The following KRTAP22-2 variants were observed in gnomAD, a reference collection of about 807,000 sequenced individuals.
The protein encoded by KRTAP22-2 is keratin associated protein 22-2, also known as keratin-associated protein 22-2.
For missense variants in KRTAP22-2, 52 were observed against 51.2 expected, an observed-to-expected ratio of 1.02 and a Z score of -0.05; for synonymous variants, 19 against 21.1, an observed-to-expected ratio of 0.90 and a Z score of 0.28.
Position 30,590,378 on chromosome 21 carries a change from G to A in KRTAP22-2, c.-4C>T, listed in dbSNP as rs1979998024. 1 of 1,550,448 alleles carries A rather than the reference G, an allele frequency of 6.4e-7. No homozygotes were observed. The highest frequency in any genetic ancestry group is 1.4e-5 in the African/African-American group (1 of 72,998). ...AATAGTTGTGGTAGTAGCACATGGT[G>A]TCAGAAGATGGAGTTCAATTGAGGC... On this transcript the variant is annotated 5_prime_UTR_variant, in exon 1 of 1. Coordinates refer to ENST00000382830, the MANE Select transcript of KRTAP22-2 (RefSeq NM_001164434.1).
At position 30,590,141 on chromosome 21, in the gene KRTAP22-2, G is replaced by C; in HGVS notation, c.*96C>G. 9.1e-7 allele frequency: 1 copy of C among 1,102,298 alleles called. No individual in the cohort carries two copies. The highest frequency in any genetic ancestry group is 2.3e-5 in the Admixed American group (1 of 43,402). The allele number at this position is 1,102,298 out of a possible 1,614,324, so 68.3% of individuals were successfully genotyped here. A position where few individuals can be genotyped will look rare whatever the true frequency, so the allele number is the denominator to read the frequency against. ...TATGACCTGTGGTAATCAATAATTA[G>C]AGTTAGTTAAAATTGGAGAGACAAT... On this transcript the variant is annotated 3_prime_UTR_variant, in exon 1 of 1. Transcript: ENST00000382830.
Position 30,590,295 on chromosome 21 carries a change from G to C in KRTAP22-2, c.80C>G (p.Ala27Gly). 6.4e-7 allele frequency: 1 copy of C among 1,551,088 alleles called. No homozygotes were observed. The highest frequency in any genetic ancestry group is 8.7e-7 in the Non-Finnish European group (1 of 1,146,500). The change falls in exon 1 of 1, where the codon GCC becomes GGC. Residue 27 changes from alanine to glycine, a missense_variant. Coordinates refer to ENST00000382830, the MANE Select transcript of KRTAP22-2 (RefSeq NM_001164434.1). The stretch of plus-strand genomic sequence containing the variant: ...TCCATAGGAGCACGGAAAGTTGCAG[G>C]CATATCCAGAGTTACCATATTCAGA... ...YGSEYGNSGY[A>G]CNFPCSYGRF...
In KRTAP22-2 at chr21:30,590,327, G is replaced by T; in HGVS notation, c.48C>A (p.Ser16Arg). ...CAGAGTTACCATATTCAGAGCCATA[G>T]CTGCAACCATAGTCCAGGCTACCAT... ...NYYGSLDYGC[S>R]YGSEYGNSGY... The change falls in exon 1 of 1, where the codon AGC becomes AGA. Residue 16 changes from serine (S) to arginine (R), a missense_variant. Physicochemically the swap from Ser to Arg is moderately radical, Grantham distance 110 (BLOSUM62 -1). Coordinates refer to ENST00000382830, the MANE Select transcript of KRTAP22-2 (RefSeq NM_001164434.1). The T allele has an allele frequency of 6.4e-7, 1 of 1,551,214 alleles. No individual in the cohort carries two copies. The highest frequency in any genetic ancestry group is 1.2e-5 in the South Asian group (1 of 84,056).
Position 30,590,331 on chromosome 21 carries a change from C to T in KRTAP22-2, c.44G>A (p.Cys15Tyr). 1 of 1,551,246 alleles carries T rather than the reference C, an allele frequency of 6.4e-7. No individual in the cohort carries two copies. The highest frequency in any genetic ancestry group is 8.7e-7 in the Non-Finnish European group (1 of 1,146,640). Residue 15 changes from cysteine (C) to tyrosine (Y), a missense_variant, in exon 1 of 1, where the codon TGC becomes TAC. Transcript: ENST00000382830. The part of the protein sequence containing the change: ...HNYYGSLDYG[C>Y]SYGSEYGNSG... The stretch of plus-strand genomic sequence containing the variant: ...GTTACCATATTCAGAGCCATAGCTG[C>T]AACCATAGTCCAGGCTACCATAATA...
chr21:30,590,167 A>G lies in KRTAP22-2; in HGVS notation c.*70T>C. 1 of 1,394,290 alleles carries G rather than the reference A, an allele frequency of 7.2e-7. No individual in the cohort carries two copies. The highest frequency in any genetic ancestry group is 9.9e-7 in the Non-Finnish European group (1 of 1,015,172). The allele number at this position is 1,394,290 out of a possible 1,614,324, so 86.4% of individuals were successfully genotyped here. On this transcript the variant is annotated 3_prime_UTR_variant, in exon 1 of 1. Transcript: ENST00000382830. ...AGTTAGTTAAAATTGGAGAGACAATAACGAATCCATAAATAACCCTGTTGA... is the reference window on the plus strand; with the variant it reads ...AGTTAGTTAAAATTGGAGAGACAATGACGAATCCATAAATAACCCTGTTGA...
rs758588351 is a variant in KRTAP22-2, at chr21:30,590,381, A to G, written c.-7T>C. On this transcript the variant is annotated 5_prime_UTR_variant, in exon 1 of 1. Transcript: ENST00000382830. ...AGTTGTGGTAGTAGCACATGGTGTC[A>G]GAAGATGGAGTTCAATTGAGGCAGA... is the stretch of plus-strand genomic sequence containing the variant. The G allele has an allele frequency of 6.4e-7, 1 of 1,550,558 alleles. No individual in the cohort carries two copies. Among genetic ancestry groups the G allele is most frequent in the South Asian group, 1.2e-5 (1 of 83,932 alleles).
Position 30,590,227 on chromosome 21 carries a change from T to C in KRTAP22-2, c.*10A>G. ...TGCATCACAAGAAAATGGCTCAAAG[T>C]GATCAGCAATCAGAATTTCTTTCTA... On this transcript the variant is annotated 3_prime_UTR_variant, in exon 1 of 1. Coordinates refer to ENST00000382830, the MANE Select transcript of KRTAP22-2 (RefSeq NM_001164434.1). The C allele has an allele frequency of 6.4e-7, 1 of 1,550,624 alleles. No individual in the cohort carries two copies.
At position 30,590,322 on chromosome 21, in the gene KRTAP22-2, C is replaced by A. The variant is rs1163729118; in HGVS notation, c.53G>T (p.Gly18Val). 2.6e-6 allele frequency: 4 copies of A among 1,551,132 alleles called. No individual in the cohort carries two copies. Among genetic ancestry groups the A allele is most frequent in the Admixed American group, 3.9e-5 (2 of 50,970 alleles). The stretch of plus-strand genomic sequence containing the variant: ...ATATCCAGAGTTACCATATTCAGAG[C>A]CATAGCTGCAACCATAGTCCAGGCT... ...YGSLDYGCSYGSEYGNSGYAC... is the reference protein window; with the variant it reads ...YGSLDYGCSYVSEYGNSGYAC... The change falls in exon 1 of 1, where the codon GGC becomes GTC. Residue 18 changes from glycine (G) to valine (V), a missense_variant. By Grantham distance (109) the Gly-to-Val change is moderately radical (BLOSUM62 -3). Coordinates refer to ENST00000382830, the MANE Select transcript of KRTAP22-2 (RefSeq NM_001164434.1).
In KRTAP22-2 at chr21:30,590,208, AC is replaced by A; in HGVS notation, c.*28del. 6.5e-7 allele frequency: 1 copy of A among 1,548,208 alleles called. No individual in the cohort carries two copies. The highest frequency in any genetic ancestry group is 8.7e-7 in the Non-Finnish European group (1 of 1,144,676). On this transcript the variant is annotated 3_prime_UTR_variant, in exon 1 of 1. Coordinates refer to ENST00000382830, the MANE Select transcript of KRTAP22-2 (RefSeq NM_001164434.1). ...ACCCTGTTGATGCAATTAGTGCATCACAAGAAAATGGCTCAAAGTGATCAGC... is the reference window on the plus strand; with the variant it reads ...ACCCTGTTGATGCAATTAGTGCATCAAAGAAAATGGCTCAAAGTGATCAGC...
In KRTAP22-2 at chr21:30,590,221, T is replaced by A. The variant is rs750629666; in HGVS notation, c.*16A>T. The stretch of plus-strand genomic sequence containing the variant: ...AATTAGTGCATCACAAGAAAATGGC[T>A]CAAAGTGATCAGCAATCAGAATTTC... On this transcript the variant is annotated 3_prime_UTR_variant, in exon 1 of 1. Transcript: ENST00000382830. 98 of 1,550,344 alleles carry A rather than the reference T, an allele frequency of 6.3e-5. No individual in the cohort carries two copies. In the South Asian group the frequency reaches 1.1e-3, roughly 17 times the overall value.
Position 30,590,279 on chromosome 21 carries a change from G to C in KRTAP22-2, c.96C>G (p.Cys32Trp), listed in dbSNP as rs1488831372. 1.6e-5 allele frequency: 25 copies of C among 1,551,130 alleles called. No homozygotes were observed. The highest frequency in any genetic ancestry group is 1.9e-5 in the Non-Finnish European group (22 of 1,146,636). ...GNSGYACNFPCSYGRFLLAPR... is the reference protein window; with the variant it reads ...GNSGYACNFPWSYGRFLLAPR... ...GAGCCAATAGGAATCTTCCATAGGA[G>C]CACGGAAAGTTGCAGGCATATCCAG... Residue 32 changes from cysteine to tryptophan, a missense_variant, in exon 1 of 1, where the codon TGC becomes TGG. By Grantham distance (215) the Cys-to-Trp change is radical. Coordinates refer to ENST00000382830, the MANE Select transcript of KRTAP22-2 (RefSeq NM_001164434.1).
In KRTAP22-2 at chr21:30,590,395, A is replaced by T. The variant is rs1474873304; in HGVS notation, c.-21T>A. 6.5e-7 allele frequency: 1 copy of T among 1,548,428 alleles called. No homozygotes were observed. Among genetic ancestry groups the T allele is most frequent in the African/African-American group, 1.4e-5 (1 of 72,970 alleles). On this transcript the variant is annotated 5_prime_UTR_variant, in exon 1 of 1. Transcript: ENST00000382830. ...CACATGGTGTCAGAAGATGGAGTTC[A>T]ATTGAGGCAGATAGTAGTTTCTGAA...
In KRTAP22-2 at chr21:30,590,160, A is replaced by G; in HGVS notation, c.*77T>C. On this transcript the variant is annotated 3_prime_UTR_variant, in exon 1 of 1. Transcript: ENST00000382830. ...TAATTAGAGTTAGTTAAAATTGGAG[A>G]GACAATAACGAATCCATAAATAACC... 1 of 1,305,242 alleles carries G rather than the reference A, an allele frequency of 7.7e-7. No homozygotes were observed. The highest frequency in any genetic ancestry group is 1.1e-6 in the Non-Finnish European group (1 of 944,628). The allele number at this position is 1,305,242 out of a possible 1,614,324, so 80.9% of individuals were successfully genotyped here.
rs1979995288 is a variant in KRTAP22-2 at position 30,590,313 on chromosome 21, T to C, written c.62A>G (p.Tyr21Cys). The change falls in exon 1 of 1, where the codon TAT becomes TGT. Residue 21 changes from tyrosine to cysteine, a missense_variant. Coordinates refer to ENST00000382830, the MANE Select transcript of KRTAP22-2 (RefSeq NM_001164434.1). ...GTTGCAGGCATATCCAGAGTTACCATATTCAGAGCCATAGCTGCAACCATA... is the reference window on the plus strand; with the variant it reads ...GTTGCAGGCATATCCAGAGTTACCACATTCAGAGCCATAGCTGCAACCATA... ...LDYGCSYGSE[Y>C]GNSGYACNFP... The C allele has an allele frequency of 3.9e-6, 6 of 1,551,236 alleles. No homozygotes were observed. Among genetic ancestry groups the C allele is most frequent in the Non-Finnish European group, 5.2e-6 (6 of 1,146,630 alleles).
In KRTAP22-2 at chr21:30,590,233, G is replaced by A. The variant is rs758161427; in HGVS notation, c.*4C>T. 9 of 1,550,608 alleles carry A rather than the reference G, an allele frequency of 5.8e-6. No individual in the cohort carries two copies. Among genetic ancestry groups the A allele is most frequent in the Non-Finnish European group, 1.7e-6 (2 of 1,146,376 alleles). On this transcript the variant is annotated 3_prime_UTR_variant, in exon 1 of 1. Transcript: ENST00000382830. ...ACAAGAAAATGGCTCAAAGTGATCAGCAATCAGAATTTCTTTCTAGGAGCC... is the reference window on the plus strand; with the variant it reads ...ACAAGAAAATGGCTCAAAGTGATCAACAATCAGAATTTCTTTCTAGGAGCC...
Position 30,590,223 on chromosome 21 carries a change from A to C in KRTAP22-2, c.*14T>G. The stretch of plus-strand genomic sequence containing the variant: ...TTAGTGCATCACAAGAAAATGGCTC[A>C]AAGTGATCAGCAATCAGAATTTCTT... On this transcript the variant is annotated 3_prime_UTR_variant, in exon 1 of 1. Transcript: ENST00000382830. The C allele has an allele frequency of 2.6e-6, 4 of 1,550,636 alleles. No individual in the cohort carries two copies.
Position 30,590,351 on chromosome 21 carries a change from A to G in KRTAP22-2, c.24T>C (p.Tyr8=). Residue 8 remains tyrosine (Y), a synonymous_variant, in exon 1 of 1, where the codon TAT becomes TAC. Coordinates refer to ENST00000382830, the MANE Select transcript of KRTAP22-2 (RefSeq NM_001164434.1). ...AGCTGCAACCATAGTCCAGGCTACC[A>G]TAATAGTTGTGGTAGTAGCACATGG... MCYYHNY[Y]GSLDYGCSYG... is the part of the protein sequence containing the mutation. 6.4e-7 allele frequency: 1 copy of G among 1,551,340 alleles called. No homozygotes were observed. The highest frequency in any genetic ancestry group is 8.7e-7 in the Non-Finnish European group (1 of 1,146,698).
At position 30,590,126 on chromosome 21, in the gene KRTAP22-2, G is replaced by A. The variant is rs1979988966; in HGVS notation, c.*111C>T. The A allele has an allele frequency of 4.2e-6, 4 of 953,780 alleles. No homozygotes were observed. Among genetic ancestry groups the A allele is most frequent in the African/African-American group, 3.3e-5 (2 of 61,098 alleles). 59.1% of individuals were successfully genotyped at this position (953,780 alleles called of 1,614,324 possible). ...CTAATCCAATGCAAATATGACCTGTGGTAATCAATAATTAGAGTTAGTTAA... is the reference window on the plus strand; with the variant it reads ...CTAATCCAATGCAAATATGACCTGTAGTAATCAATAATTAGAGTTAGTTAA... On this transcript the variant is annotated 3_prime_UTR_variant, in exon 1 of 1. Transcript: ENST00000382830.
rs1017978929 is a variant in KRTAP22-2 at position 30,590,283 on chromosome 21, G to A, written c.92C>T (p.Pro31Leu). The change falls in exon 1 of 1, where the codon CCG (proline) becomes CTG (leucine). Residue 31 changes from proline to leucine, a missense_variant. Transcript: ENST00000382830. The part of the protein sequence containing the change: ...YGNSGYACNF[P>L]CSYGRFLLAP... The stretch of plus-strand genomic sequence containing the variant: ...CAATAGGAATCTTCCATAGGAGCAC[G>A]GAAAGTTGCAGGCATATCCAGAGTT... 1.8e-5 allele frequency: 28 copies of A among 1,551,088 alleles called. No individual in the cohort carries two copies. The highest frequency in any genetic ancestry group is 5.5e-5 in the African/African-American group (4 of 73,012).
Sources: gnomAD v4.1 joint callset for allele counts on GRCh38, gnomAD v4.1.1 for gene constraint, MANE v1.5 for transcripts, NCBI Gene and HGNC (gene_info 2026-07-23, HGNC 2026-07-21) for gene names.